The following CROCC variants were observed in gnomAD, a reference collection of about 807,000 sequenced individuals.
CROCC encodes rootletin.
In CROCC, 180 loss-of-function variants were observed where a neutral mutation model predicts 245.2. That is an observed-to-expected ratio of 0.73 (90% CI 0.65 to 0.83). CROCC has a LOEUF of 0.83. Ranked by LOEUF, CROCC falls within the 40% of genes least tolerant of loss-of-function variation. The pLI is 0.00. For synonymous variants in CROCC, 1,205 were observed against 1,241.6 expected (o/e 0.97, Z 0.62); for missense variants, 2,688 against 2,779.4 (o/e 0.97, Z 0.74).
At position 16,938,980 on chromosome 1, in the gene CROCC, C is replaced by G; in HGVS notation, c.1446C>G (p.Gly482=). The change falls in exon 12 of 37, where the codon GGC becomes GGG. Residue 482 remains glycine (G), a synonymous_variant. Coordinates refer to ENST00000375541, the MANE Select transcript of CROCC (RefSeq NM_014675.5). ...AGCGCACCGCGGATGCTTCCAACGGCAGCCTGCGGGGGCTCTCGGGCCAGC... is the reference window on the plus strand; with the variant it reads ...AGCGCACCGCGGATGCTTCCAACGGGAGCCTGCGGGGGCTCTCGGGCCAGC... ...GSERTADASN[G]SLRGLSGQRT... 1 of 1,605,394 alleles carries G rather than the reference C, an allele frequency of 6.2e-7. No homozygotes were observed.
At chr1:16,931,820 G>C (rs115424093) in intron 8 of CROCC, among the ~76,000 whole-genome samples, 1 of 152,148 alleles carries the variant, frequency 6.6e-6, no homozygotes, top group South Asian at 2.1e-4. Context: ...GAGGTGGCAC[G>C]ATCTTGGATC....
chr1:16,923,397 C>A (rs74056001), intron 2 of CROCC, among the ~76,000 whole-genome samples: 2 of 152,132 alleles, frequency 1.3e-5, no homozygotes, highest in African/African-American at 4.8e-5. Flanking sequence ...GGGATGTTGG[C>A]GCCCTGGAGC....
rs920098230 is a variant in CROCC, at chr1:16,948,344, T to A, written c.2528T>A (p.Leu843Gln). ...GGTGGGGGCCAGCTCTCCCGGCAGC[T>A]GAGCGGGCGGGAGCAGGAGCTGGAG... ...QEQLAQLSRQ[L>Q]SGREQELEQA... The change falls in exon 18 of 37, where the codon CTG becomes CAG. Residue 843 changes from leucine to glutamine, a missense_variant. Coordinates refer to ENST00000375541, the MANE Select transcript of CROCC (RefSeq NM_014675.5). 3 of 1,572,278 alleles carry A rather than the reference T, an allele frequency of 1.9e-6. No homozygotes were observed. The highest frequency in any genetic ancestry group is 1.7e-6 in the Non-Finnish European group (2 of 1,163,634).
At chr1:16,936,044 T>G (rs1400856526) in intron 8 of CROCC, among the ~76,000 whole-genome samples, 1 of 152,250 alleles carries the variant, frequency 6.6e-6, no homozygotes, top group East Asian at 1.9e-4. Flanking sequence ...GAGCCCCTCC[T>G]TGTGTATTAT....
intron 27 of CROCC, among the ~76,000 whole-genome samples, chr1:16,962,222 G>A (rs1203016116): frequency 7.9e-5 from 12 of 151,644 alleles, no homozygotes; most frequent in African/African-American, 2.9e-4. Flanking sequence ...GTGCCACCAC[G>A]CCTGGCTAAT....
intron 26 of CROCC, 27 bp from the exon 27 acceptor site, chr1:16,960,731 G>T: frequency 6.8e-7 from 1 of 1,479,224 alleles, no homozygotes; most frequent in Non-Finnish European, 9.0e-7. Context: ...AGGTCTTGCC[G>T]ACCTCCACCT....
At position 16,948,351 on chromosome 1, in the gene CROCC, G is replaced by A; in HGVS notation, c.2535G>A (p.Gly845=). ...QLAQLSRQLS[G]REQELEQARR... ...GCCAGCTCTCCCGGCAGCTGAGCGG[G>A]CGGGAGCAGGAGCTGGAGCAGGCCC... is the stretch of plus-strand genomic sequence containing the variant. The change falls in exon 18 of 37, where the codon GGG becomes GGA. Residue 845 remains glycine, a synonymous_variant. Transcript: ENST00000375541. 2 of 1,577,270 alleles carry A rather than the reference G, an allele frequency of 1.3e-6. No homozygotes were observed. Among genetic ancestry groups the A allele is most frequent in the Non-Finnish European group, 8.6e-7 (1 of 1,165,682 alleles).
chr1:16,925,910 G>A (rs1441077230), intron 3 of CROCC, among the ~76,000 whole-genome samples: 2 of 152,270 alleles, frequency 1.3e-5, no homozygotes, highest in African/African-American at 2.4e-5. Flanking sequence ...ATGGGGCCCT[G>A]AGCCAGGCAC....
chr1:16,971,564 C>A lies in CROCC; in HGVS notation c.5884C>A (p.Arg1962Ser). The A allele has an allele frequency of 6.5e-7, 1 of 1,536,376 alleles. No individual in the cohort carries two copies. Residue 1962 changes from arginine to serine, a missense_variant, in exon 36 of 37, where the codon CGC becomes AGC. By Grantham distance (110) the Arg-to-Ser change is moderately radical. Coordinates refer to ENST00000375541, the MANE Select transcript of CROCC (RefSeq NM_014675.5). ...LELQQEVERL[R>S]SAQAQTERTL... Reference sequence around the variant, plus strand: ...GCTGCAGCAGGAGGTGGAGCGGCTGCGCAGCGCCCAGGCGCAGACTGAGCG... The same window carrying A: ...GCTGCAGCAGGAGGTGGAGCGGCTGAGCAGCGCCCAGGCGCAGACTGAGCG...
chr1:16,921,075 G>A (rs902012298), upstream of CROCC, among the ~76,000 whole-genome samples: 7 of 152,272 alleles, frequency 4.6e-5, no homozygotes, highest in African/African-American at 1.7e-4. Context: ...TCAAATGAAT[G>A]AAATGAGTAT....
intron 13 of CROCC, among the ~76,000 whole-genome samples, chr1:16,943,763 T>A (rs2075984978): frequency 6.6e-6 from 1 of 152,270 alleles, no homozygotes; most frequent in African/African-American, 2.4e-5. Flanking sequence ...TAGGGGACAT[T>A]TCCTGGTCAC....
intron 3 of CROCC, among the ~76,000 whole-genome samples, chr1:16,926,273 A>G (rs1423361979): frequency 6.6e-6 from 1 of 152,246 alleles, no homozygotes; most frequent in Non-Finnish European, 1.5e-5. Flanking sequence ...GTCCCCAGAG[A>G]ACTTCAGAGC....
intron 1 of CROCC, among the ~76,000 whole-genome samples, chr1:16,914,533 G>A (rs1253588986): frequency 6.6e-6 from 1 of 152,284 alleles, no homozygotes. Context: ...CTCCTCGTGT[G>A]GGATCCGGTT....
At chr1:16,967,175 GAC>G (rs1376729685) in intron 30 of CROCC, among the ~76,000 whole-genome samples, 1 of 152,236 alleles carries the variant, frequency 6.6e-6, no homozygotes, top group South Asian at 2.1e-4. Flanking sequence ...GTCACAGGGT[GAC>G]ACACACAGGC....
chr1:16,930,692 G>GTCCGAGGGAGCACCC (rs59048025), intron 7 of CROCC, 98 bp downstream of exon 7: 5 of 1,359,262 alleles, frequency 3.7e-6, no homozygotes, highest in Non-Finnish European at 5.0e-6. Flanking sequence ...AGGGAGCACT[G>GTCCGAGGGAGCACCC]TCCAAGGGAG....
Position 16,946,905 on chromosome 1 carries a change from G to A in CROCC, c.2428G>A (p.Val810Met). 1.3e-6 allele frequency: 2 copies of A among 1,564,242 alleles called. No individual in the cohort carries two copies. Among genetic ancestry groups the A allele is most frequent in the South Asian group, 1.2e-5 (1 of 84,892 alleles). The change falls in exon 17 of 37, where the codon GTG becomes ATG. Residue 810 changes from valine (V) to methionine (M), a missense_variant. Physicochemically the swap from Val to Met is conservative, Grantham distance 21. Around this residue, in one of 9 missense-constraint regions of CROCC, gnomAD observed 295 missense variants for 241.7 expected, o/e 1.22. Coordinates refer to ENST00000375541, the MANE Select transcript of CROCC (RefSeq NM_014675.5). ...GCAGGGCCTGGAGGGCTCCCTACGA[G>A]TGGCGGAGCAGGCCCAGGAGGCATT... ...ARQGLEGSLR[V>M]AEQAQEALEQ...
At position 16,956,037 on chromosome 1, in the gene CROCC, C is replaced by T. The variant is rs1295959456; in HGVS notation, c.3745C>T (p.Leu1249Phe). Residue 1249 changes from leucine (L) to phenylalanine (F), a missense_variant, in exon 25 of 37, where the codon CTC (leucine) becomes TTC (phenylalanine). By Grantham distance (22) the Leu-to-Phe change is conservative (BLOSUM62 0). Transcript: ENST00000375541. ...TGAGGACAAGGAGCAGAAGCTGGCA[C>T]TCCTAGAGGAGGCACGGACAGCTGT... ...ANEDKEQKLALLEEARTAVGK... is the reference protein window; with the variant it reads ...ANEDKEQKLAFLEEARTAVGK... 4 of 1,551,134 alleles carry T rather than the reference C, an allele frequency of 2.6e-6. No homozygotes were observed. Among genetic ancestry groups the T allele is most frequent in the East Asian group, 2.4e-5 (1 of 40,942 alleles).
In CROCC at chr1:16,953,457, C is replaced by G. The variant is rs1327402163; in HGVS notation, c.3162C>G (p.Leu1054=). The change falls in exon 21 of 37, where the codon CTC becomes CTG. Residue 1054 remains leucine (L), a synonymous_variant. Coordinates refer to ENST00000375541, the MANE Select transcript of CROCC (RefSeq NM_014675.5). ...ALQQERDEGL[L]LAESEKQQAL... The stretch of plus-strand genomic sequence containing the variant: ...AGCAGGAGCGCGACGAGGGCCTCCT[C>G]CTAGCAGAGAGTGAGAAGCAGCAGG... The G allele has an allele frequency of 1.2e-6, 2 of 1,608,270 alleles. No homozygotes were observed. The highest frequency in any genetic ancestry group is 1.7e-6 in the Non-Finnish European group (2 of 1,179,766).
Position 16,950,031 on chromosome 1 carries a change from ACTG to A in CROCC, c.2837-918_2837-916del, listed in dbSNP as rs1377259717. Among the ~76,000 whole-genome samples the A allele has an allele frequency of 7.4e-5, 11 of 149,078 alleles. No individual in the cohort carries two copies. In the South Asian group the frequency reaches 2.1e-3, roughly 29 times the overall value. On this transcript the variant is annotated intron_variant, in intron 19 of 36. Transcript: ENST00000375541. ...TGATCCACCCGCTTTGGCCTCCCAA[ACTG>A]CTGGGATTACAGGCATGAGCCATCA...
Sources: gnomAD v4.1 joint callset for allele counts (sites outside exome capture counted in the v4.1 genomes callset) on GRCh38, gnomAD v4.1.1 for gene constraint, gnomAD v4.1.1 regional missense constraint, MANE v1.5 for transcripts, NCBI Gene and HGNC (gene_info 2026-07-23, HGNC 2026-07-21) for gene names.